The following PPM1L variants were observed in gnomAD, a reference collection of about 807,000 sequenced individuals.
The protein encoded by PPM1L is protein phosphatase 1L.
In PPM1L, 13 loss-of-function variants were observed where a neutral mutation model predicts 31.4. The observed-to-expected ratio is 0.41, with a 90% CI of 0.27 to 0.66. PPM1L has a LOEUF of 0.66. Among genes scored for constraint, PPM1L ranks in the 30% least tolerant of loss-of-function variants. The pLI, the probability that PPM1L is intolerant of heterozygous loss-of-function variation, is 0.29. For synonymous variants in PPM1L, 184 were observed against 175.4 expected (o/e 1.05, Z -0.39); for missense variants, 326 against 453.7 (o/e 0.72, Z 2.56).
intron 1 of PPM1L, among the ~76,000 whole-genome samples, chr3:160,829,635 T>C (rs1428456817): frequency 6.6e-6 from 1 of 152,184 alleles, no homozygotes; most frequent in Non-Finnish European, 1.5e-5. Flanking sequence ...TGTTTCCTTC[T>C]TGCCTCACTA....
chr3:161,027,855 C>G (rs1427558799), intron 2 of PPM1L, among the ~76,000 whole-genome samples: 1 of 152,142 alleles, frequency 6.6e-6, no homozygotes, highest in Non-Finnish European at 1.5e-5. Context: ...CTCAGCTGGT[C>G]AAGCTGAGAA....
chr3:160,862,755 A>G (rs1293903515), intron 1 of PPM1L, among the ~76,000 whole-genome samples: 2 of 151,676 alleles, frequency 1.3e-5, no homozygotes, highest in African/African-American at 4.8e-5. Flanking sequence ...TCAATTTTCA[A>G]TGACAACTAT....
At chr3:161,005,052 A>T (rs778661) in intron 2 of PPM1L, among the ~76,000 whole-genome samples, 5 of 151,296 alleles carry the variant, frequency 3.3e-5, no homozygotes, top group African/African-American at 1.2e-4. Context: ...CTTTGTTCTC[A>T]TTGATTTCAA....
intron 1 of PPM1L, among the ~76,000 whole-genome samples, chr3:160,866,796 C>G (rs1260445104): frequency 6.6e-6 from 1 of 152,134 alleles, no homozygotes; most frequent in Non-Finnish European, 1.5e-5. Flanking sequence ...AATTCATAAT[C>G]TCTTGGACTA....
At chr3:161,005,889 A>T (rs1225922761) in intron 2 of PPM1L, among the ~76,000 whole-genome samples, 1 of 152,226 alleles carries the variant, frequency 6.6e-6, no homozygotes, top group Non-Finnish European at 1.5e-5. Context: ...AGAAATCAGG[A>T]AGAAATCCCA....
intron 1 of PPM1L, among the ~76,000 whole-genome samples, chr3:160,797,423 T>C (rs1235442914): frequency 1.3e-5 from 2 of 152,178 alleles, no homozygotes; most frequent in Admixed American, 1.3e-4. Flanking sequence ...AATATTGAAA[T>C]TAGGCCAATT....
At chr3:161,049,366 G>T in intron 2 of PPM1L, among the ~76,000 whole-genome samples, 1 of 152,270 alleles carries the variant, frequency 6.6e-6, no homozygotes, top group East Asian at 1.9e-4. Flanking sequence ...GATGCTTAAA[G>T]GAAATGCTCA....
At chr3:160,994,057 TA>T (rs1401491601) in intron 2 of PPM1L, among the ~76,000 whole-genome samples, 1 of 151,974 alleles carries the variant, frequency 6.6e-6, no homozygotes, top group Non-Finnish European at 1.5e-5. Context: ...TCAGGATTTA[TA>T]GGGGGGTGGG....
chr3:160,791,512 A>C (rs1197929119), intron 1 of PPM1L, among the ~76,000 whole-genome samples: 1 of 152,102 alleles, frequency 6.6e-6, no homozygotes, highest in Non-Finnish European at 1.5e-5. Context: ...CTTTCATTTT[A>C]TCCATTCATT....
rs1284126330 is a variant in PPM1L at position 160,944,896 on chromosome 3, AC to A, written c.400-16839del. 8.6e-3 allele frequency among the ~76,000 whole-genome samples: 847 copies of A among 98,490 alleles called. 25 individuals carry two copies. Among genetic ancestry groups the A allele is most frequent in the Middle Eastern group, 0.016 (2 of 122 alleles). The allele number at this position is 98,490 out of a possible 152,430, so 64.6% of individuals were successfully genotyped here. On this transcript the variant is annotated intron_variant, in intron 1 of 3. Coordinates refer to ENST00000498165, the MANE Select transcript of PPM1L (RefSeq NM_139245.4). The stretch of plus-strand genomic sequence containing the variant: ...ATATATAACATATATATTATATATA[AC>A]TGATGTTACATATATAATATATAGT...
intron 2 of PPM1L, among the ~76,000 whole-genome samples, chr3:161,046,962 G>GAC (rs1361876572): frequency 6.6e-6 from 1 of 152,120 alleles, no homozygotes; most frequent in Non-Finnish European, 1.5e-5. Context: ...AGCTACTTAT[G>GAC]ACAAACCCAC....
chr3:160,858,493 C>T (rs914142296), intron 1 of PPM1L, among the ~76,000 whole-genome samples: 4 of 152,240 alleles, frequency 2.6e-5, no homozygotes, highest in South Asian at 4.1e-4. Context: ...GTGATCCACC[C>T]GCCTTGGCCT....
At chr3:161,002,437 A>G (rs566059165) in intron 2 of PPM1L, among the ~76,000 whole-genome samples, 1 of 152,286 alleles carries the variant, frequency 6.6e-6, no homozygotes, top group South Asian at 2.1e-4. Context: ...TGGTTGAACT[A>G]GTTTACAGTC....
intron 1 of PPM1L, among the ~76,000 whole-genome samples, chr3:160,805,670 C>T (rs570491781): frequency 1.1e-4 from 16 of 152,196 alleles, no homozygotes; most frequent in African/African-American, 3.1e-4. Flanking sequence ...TGCAGTGAGC[C>T]GAGATCATGC....
At chr3:161,048,596 T>G (rs1414986835) in intron 2 of PPM1L, among the ~76,000 whole-genome samples, 1 of 152,080 alleles carries the variant, frequency 6.6e-6, no homozygotes, top group Non-Finnish European at 1.5e-5. Context: ...ACCCAAAGGA[T>G]TATATATCAT....
At chr3:160,764,153 G>A (rs954984240) in intron 1 of PPM1L, among the ~76,000 whole-genome samples, 1 of 151,876 alleles carries the variant, frequency 6.6e-6, no homozygotes, top group African/African-American at 2.4e-5. Flanking sequence ...GGTGGGGTGG[G>A]CAGGATCTGG....
rs553529241 is a variant in PPM1L, at chr3:160,788,222, G to A, written c.399+31515G>A. 1.2e-4 allele frequency among the ~76,000 whole-genome samples: 18 copies of A among 152,162 alleles called. No homozygotes were observed. The South Asian group carries it at 3.5e-3, about 30-fold the overall frequency. On this transcript the variant is annotated intron_variant, in intron 1 of 3. Transcript: ENST00000498165. ...CTTTGGGCAGTATGACCATTTTAAT[G>A]ATATTGGTTCTTTCTATCCATGAGC...
At chr3:161,063,224 A>G (rs991095706) in intron 2 of PPM1L, among the ~76,000 whole-genome samples, 7 of 152,180 alleles carry the variant, frequency 4.6e-5, no homozygotes, top group Non-Finnish European at 7.3e-5. Context: ...TAAAAAAAAA[A>G]TCAAAAACTG....
At chr3:160,952,658 A>G (rs1715610542) in intron 1 of PPM1L, among the ~76,000 whole-genome samples, 3 of 152,198 alleles carry the variant, frequency 2.0e-5, no homozygotes, top group South Asian at 2.1e-4. Context: ...ATCTTATTTA[A>G]TGATTTATCA....
Sources: gnomAD v4.1 joint callset for allele counts (sites outside exome capture counted in the v4.1 genomes callset) on GRCh38, gnomAD v4.1.1 for gene constraint, MANE v1.5 for transcripts, NCBI Gene and HGNC (gene_info 2026-07-23, HGNC 2026-07-21) for gene names.